PKIB: variants seen among roughly 807,000 people sequenced by gnomAD.
PKIB encodes the protein cAMP-dependent protein kinase inhibitor beta.
Under a neutral mutation model 4.5 loss-of-function variants are expected in PKIB, and 2 were observed. That is an observed-to-expected ratio of 0.44 (90% CI 0.18 to 1.39). The LOEUF (loss-of-function observed/expected upper bound fraction) is 1.39. Ranked by LOEUF, PKIB falls within the 40% of genes most tolerant of loss-of-function variation. The pLI is 0.27. For missense variants in PKIB, 94 were observed against 92.6 expected (o/e 1.02, Z -0.06); for synonymous variants, 38 against 36.0 (o/e 1.06, Z -0.20).
Position 122,590,831 on chromosome 6 carries a change from CG to C in PKIB, c.-161+4825del, listed in dbSNP as rs1457561959. Among the ~76,000 whole-genome samples, 3 of 152,028 alleles carry C rather than the reference CG, an allele frequency of 2.0e-5. 1 individual carries two copies. Among genetic ancestry groups the C allele is most frequent in the African/African-American group, 7.2e-5 (3 of 41,410 alleles). On this transcript the variant is annotated intron_variant, in intron 3 of 6. Coordinates refer to the PKIB transcript ENST00000392491. Reference sequence around the variant, plus strand: ...TGGTGGGGAGGTGATGCATGCTTAGCGTGTGGTCCACAGGGCTGCCCTCTGC... The same window carrying C: ...TGGTGGGGAGGTGATGCATGCTTAGCTGTGGTCCACAGGGCTGCCCTCTGC...
chr6:122,573,305 A>C (rs138059847), intron 2 of PKIB, among the ~76,000 whole-genome samples: 52 of 152,260 alleles, frequency 3.4e-4, no homozygotes, highest in African/African-American at 1.0e-3. Flanking sequence ...CTGTGATCTT[A>C]TCACTTAAAC....
chr6:122,689,221 G>A (rs568188327), intron 3 of PKIB, among the ~76,000 whole-genome samples: 8 of 152,058 alleles, frequency 5.3e-5, no homozygotes, highest in Middle Eastern at 6.8e-3. Context: ...CCGAATTTTC[G>A]TTTTATTGAT....
At chr6:122,599,389 C>T (rs2815588) in intron 3 of PKIB, among the ~76,000 whole-genome samples, 58,563 of 152,014 alleles carry the variant, frequency 0.39, 11,816 homozygotes, top group South Asian at 0.58. Flanking sequence ...AATCAATGCC[C>T]TCACTTTAAC....
At chr6:122,620,233 G>T (rs1207018215) in intron 1 of PKIB, among the ~76,000 whole-genome samples, 2 of 152,160 alleles carry the variant, frequency 1.3e-5, no homozygotes, top group African/African-American at 4.8e-5. Flanking sequence ...CTAGTAATTG[G>T]TGTACAGTCA....
At chr6:122,707,498 T>TA (rs746895034) in intron 3 of PKIB, among the ~76,000 whole-genome samples, 10 of 152,070 alleles carry the variant, frequency 6.6e-5, no homozygotes, top group Non-Finnish European at 1.5e-4. Flanking sequence ...TGGGTGCATT[T>TA]AAAAAAGCAT....
At chr6:122,497,426 G>T (rs577025787) in intron 2 of PKIB, among the ~76,000 whole-genome samples, 9 of 152,136 alleles carry the variant, frequency 5.9e-5, no homozygotes, top group Non-Finnish European at 1.3e-4. Flanking sequence ...AAGGCAAAGA[G>T]CAGCAAGTTG....
At chr6:122,540,440 C>G (rs944848105) in intron 2 of PKIB, among the ~76,000 whole-genome samples, 11 of 151,828 alleles carry the variant, frequency 7.2e-5, no homozygotes, top group African/African-American at 2.7e-4. Flanking sequence ...CATTAGGTAC[C>G]CAGTAGTCAT....
intron 4 of PKIB, among the ~76,000 whole-genome samples, chr6:122,724,659 T>A (rs1408379605): frequency 6.6e-6 from 1 of 152,094 alleles, no homozygotes; most frequent in Non-Finnish European, 1.5e-5. Flanking sequence ...TTTGATTATT[T>A]TTTTTTCCTA....
At chr6:122,624,026 A>T (rs577253530) in intron 1 of PKIB, among the ~76,000 whole-genome samples, 10 of 152,282 alleles carry the variant, frequency 6.6e-5, no homozygotes, top group African/African-American at 2.4e-4. Context: ...CTATTATTAT[A>T]GATATTTTTA....
chr6:122,646,877 G>A (rs567867024), intron 2 of PKIB, among the ~76,000 whole-genome samples: 5 of 152,176 alleles, frequency 3.3e-5, no homozygotes, highest in Admixed American at 2.6e-4. Flanking sequence ...CATGATGGAT[G>A]ACAAAGCTTT....
At chr6:122,595,005 A>T (rs939231503) in intron 3 of PKIB, among the ~76,000 whole-genome samples, 2 of 152,160 alleles carry the variant, frequency 1.3e-5, no homozygotes, top group Admixed American at 1.3e-4. Flanking sequence ...TTCCAGTTTA[A>T]TGGGATCGTT....
At chr6:122,541,742 T>G (rs1473791316) in intron 2 of PKIB, among the ~76,000 whole-genome samples, 1 of 152,012 alleles carries the variant, frequency 6.6e-6, no homozygotes, top group African/African-American at 2.4e-5. Context: ...CTTGCTAGAT[T>G]GGGGACGTTC....
intron 1 of PKIB, among the ~76,000 whole-genome samples, chr6:122,617,151 T>C (rs974410475): frequency 1.3e-5 from 2 of 152,206 alleles, no homozygotes; most frequent in African/African-American, 4.8e-5. Context: ...AACAGGTTAA[T>C]GGGTATTGCA....
chr6:122,480,740 C>T (rs981477781), intron 2 of PKIB: 4 of 151,976 alleles, frequency 2.6e-5, no homozygotes, highest in African/African-American at 7.2e-5. Context: ...TGTTCATCTC[C>T]GTTTCTTACT....
At chr6:122,700,905 G>GCT (rs1345930415) in intron 3 of PKIB, among the ~76,000 whole-genome samples, 1 of 152,168 alleles carries the variant, frequency 6.6e-6, no homozygotes, top group African/African-American at 2.4e-5. Flanking sequence ...CTATGGCTTG[G>GCT]ATAGGGCCAG....
At chr6:122,607,842 A>C (rs894570069), upstream of PKIB, among the ~76,000 whole-genome samples, 1 of 152,084 alleles carries the variant, frequency 6.6e-6, no homozygotes, top group African/African-American at 2.4e-5. Context: ...TGTCTCTTTT[A>C]CCAGTCCTTG....
At chr6:122,671,228 G>C (rs1777450798) in intron 2 of PKIB, among the ~76,000 whole-genome samples, 1 of 151,602 alleles carries the variant, frequency 6.6e-6, no homozygotes, top group Non-Finnish European at 1.5e-5. Flanking sequence ...GGAGGCGGAG[G>C]TTGCAGTGAG....
chr6:122,594,230 A>T (rs1423026204), intron 3 of PKIB, among the ~76,000 whole-genome samples: 1 of 149,870 alleles, frequency 6.7e-6, no homozygotes, highest in Non-Finnish European at 1.5e-5. Flanking sequence ...TTTTTTTAAG[A>T]TGGAGTCTTG....
intron 2 of PKIB, among the ~76,000 whole-genome samples, chr6:122,570,127 A>G (rs1362700756): frequency 1.3e-5 from 2 of 151,960 alleles, no homozygotes; most frequent in African/African-American, 4.8e-5. Context: ...CAGAGTCACA[A>G]CTCCTCTTTA....
Sources: gnomAD v4.1 joint callset for allele counts (sites outside exome capture counted in the v4.1 genomes callset) on GRCh38, gnomAD v4.1.1 for gene constraint, MANE v1.5 for transcripts, NCBI Gene and HGNC (gene_info 2026-07-23, HGNC 2026-07-21) for gene names.